The following FOXP2 variants were observed in gnomAD, a reference collection of about 807,000 sequenced individuals.
The protein encoded by FOXP2 is forkhead box protein P2.
In FOXP2, 12 loss-of-function variants were observed where a neutral mutation model predicts 115.8. The observed-to-expected ratio is 0.10, with a 90% confidence interval of 0.07 to 0.17. The LOEUF (loss-of-function observed/expected upper bound fraction) is 0.17. Ranked by LOEUF, FOXP2 falls within the 10% of genes least tolerant of loss-of-function variation. The pLI, the probability that FOXP2 is intolerant of heterozygous loss-of-function variation, is 1.00. For synonymous variants in FOXP2, 328 were observed against 297.7 expected (o/e 1.10, Z -1.05); for missense variants, 629 against 843.5 (o/e 0.75, Z 3.15).
chr7:114,574,152 A>C (rs1157805158), intron 3 of FOXP2, among the ~76,000 whole-genome samples: 1 of 151,694 alleles, frequency 6.6e-6, no homozygotes, highest in East Asian at 1.9e-4. Context: ...AATTGTATGC[A>C]CTTATCTTTA....
intron 2 of FOXP2, among the ~76,000 whole-genome samples, chr7:114,486,344 G>A (rs9690670): frequency 0.011 from 1,696 of 152,072 alleles, 16 homozygotes; most frequent in Middle Eastern, 0.031. Flanking sequence ...TACAAGAAGA[G>A]GATGGGAAAA....
intron 2 of FOXP2, among the ~76,000 whole-genome samples, chr7:114,310,789 C>T (rs755206796): frequency 7.2e-5 from 11 of 152,026 alleles, no homozygotes; most frequent in East Asian, 3.9e-4. Context: ...AGAATTTCTT[C>T]TGACATTTAA....
At chr7:114,089,608 C>G (rs1278022497) in intron 1 of FOXP2, among the ~76,000 whole-genome samples, 1 of 151,594 alleles carries the variant, frequency 6.6e-6, no homozygotes, top group East Asian at 1.9e-4. Context: ...ATAAGCTGTA[C>G]TTGGAGTTTC....
intron 2 of FOXP2, among the ~76,000 whole-genome samples, chr7:114,508,051 T>C (rs931135660): frequency 2.0e-5 from 3 of 151,992 alleles, no homozygotes; most frequent in Non-Finnish European, 4.4e-5. Context: ...CAAAAATGAA[T>C]AAATAGGACA....
upstream of FOXP2, chr7:114,087,659 C>A: frequency 6.8e-6 from 1 of 147,820 alleles, no homozygotes; most frequent in South Asian, 1.9e-4. Flanking sequence ...GGGCGGGACC[C>A]ACTGGGTGGC....
intron 3 of FOXP2, among the ~76,000 whole-genome samples, chr7:114,606,027 C>A (rs572766969): frequency 1.3e-5 from 2 of 152,142 alleles, no homozygotes; most frequent in East Asian, 3.9e-4. Flanking sequence ...GGAATTAGAA[C>A]TTGAGGGAGT....
intron 2 of FOXP2, among the ~76,000 whole-genome samples, chr7:114,460,519 G>A (rs1299921712): frequency 1.3e-5 from 2 of 152,164 alleles, no homozygotes; most frequent in Non-Finnish European, 2.9e-5. Flanking sequence ...ATACTGTAGT[G>A]CAGAGGTAAG....
intron 1 of FOXP2, among the ~76,000 whole-genome samples, chr7:114,156,257 A>G (rs758242299): frequency 6.6e-6 from 1 of 152,002 alleles, no homozygotes; most frequent in Non-Finnish European, 1.5e-5. Context: ...AATAACTTGA[A>G]ATGTTATTGG....
At chr7:114,480,744 T>C (rs1296746674) in intron 2 of FOXP2, among the ~76,000 whole-genome samples, 1 of 150,638 alleles carries the variant, frequency 6.6e-6, no homozygotes, top group East Asian at 1.9e-4. Flanking sequence ...TATATGTGTA[T>C]GTATGTATAC....
chr7:114,297,127 A>G (rs953178096), intron 2 of FOXP2: 12 of 478,144 alleles, frequency 2.5e-5, no homozygotes, highest in Admixed American at 2.0e-4. Context: ...CTTTCTTGGC[A>G]GCGACTTTCC....
chr7:114,642,647 A>G (rs1314362852), intron 7 of FOXP2, 24 bp downstream of exon 7: 6 of 1,594,556 alleles, frequency 3.8e-6, no homozygotes, highest in Non-Finnish European at 4.3e-6. Flanking sequence ...GCTTTATTCT[A>G]TATTTATCTA....
intron 2 of FOXP2, among the ~76,000 whole-genome samples, chr7:114,442,864 T>A (rs1050788924): frequency 3.9e-5 from 6 of 152,206 alleles, no homozygotes; most frequent in Admixed American, 3.9e-4. Flanking sequence ...TTGTATTTTT[T>A]AATGTCATCC....
At chr7:114,391,638 C>T (rs10262106) in intron 2 of FOXP2, among the ~76,000 whole-genome samples, 222 of 152,286 alleles carry the variant, frequency 1.5e-3, no homozygotes, top group African/African-American at 4.9e-3. Flanking sequence ...TAATGGAACT[C>T]TCCACAAATA....
chr7:114,285,124 C>T lies in FOXP2; in HGVS notation c.-101-2895C>T, dbSNP rs145511401. ...ACAAAATAGTCTGTATAAGAAGTCCCTGTGGCATGAAATTACCTGCACTGT... is the reference window on the plus strand; with the variant it reads ...ACAAAATAGTCTGTATAAGAAGTCCTTGTGGCATGAAATTACCTGCACTGT... On this transcript the variant is annotated intron_variant, in intron 1 of 17. Coordinates refer to the FOXP2 transcript ENST00000634411. Among the ~76,000 whole-genome samples, 164 of 152,200 alleles carry T rather than the reference C, an allele frequency of 1.1e-3. 1 individual carries two copies. The East Asian group carries it at 0.03, about 27-fold the overall frequency.
At chr7:114,535,187 T>C (rs1266026940) in intron 3 of FOXP2, among the ~76,000 whole-genome samples, 2 of 151,744 alleles carry the variant, frequency 1.3e-5, no homozygotes, top group African/African-American at 4.8e-5. Flanking sequence ...GCTACAGTTA[T>C]AAAAACACAT....
chr7:114,549,194 G>A (rs78908968), intron 3 of FOXP2, among the ~76,000 whole-genome samples: 2,002 of 152,250 alleles, frequency 0.013, 16 homozygotes, highest in Non-Finnish European at 0.02. Context: ...TTGCCCCAGT[G>A]ATCATTCATT....
intron 2 of FOXP2, among the ~76,000 whole-genome samples, chr7:114,329,094 G>T (rs1464667441): frequency 6.6e-6 from 1 of 152,124 alleles, no homozygotes; most frequent in East Asian, 1.9e-4. Flanking sequence ...TTTTTGGTCT[G>T]CTTAAAAAAT....
intron 16 of FOXP2, chr7:114,668,073 T>C (rs1807270435): frequency 6.6e-6 from 1 of 152,036 alleles, no homozygotes; most frequent in South Asian, 2.1e-4. Flanking sequence ...AAGAAGCAGG[T>C]TCAAAAGGGA....
intron 2 of FOXP2, among the ~76,000 whole-genome samples, chr7:114,317,468 A>G (rs1449414417): frequency 1.3e-5 from 2 of 152,188 alleles, no homozygotes; most frequent in Non-Finnish European, 1.5e-5. Flanking sequence ...CTTATGATCA[A>G]CTAATGAATG....
Sources: allele counts gnomAD v4.1 joint callset (sites outside exome capture counted in the v4.1 genomes callset), GRCh38; gene constraint gnomAD v4.1.1; transcripts MANE v1.5; gene names NCBI Gene and HGNC (gene_info 2026-07-23, HGNC 2026-07-21).